The following MX2 variants were observed in gnomAD, a reference collection of about 807,000 sequenced individuals.
The protein encoded by MX2 is MX dynamin like GTPase 2.
MX2 carries 51 observed loss-of-function variants against 74.0 expected under a neutral mutation model. The ratio of observed to expected loss-of-function variants is 0.69; its 90% CI spans 0.55 to 0.87. MX2 has a LOEUF of 0.87. MX2 is among the 40% of genes least tolerant of loss of function. The pLI is 0.00. For missense variants in MX2, 832 were observed against 908.7 expected (o/e 0.92, Z 1.09); for synonymous variants, 369 against 339.3 (o/e 1.09, Z -0.96).
chr21:41,379,887 C>T lies in MX2; in HGVS notation c.443-130C>T, dbSNP rs1052744234. ...TCAGTCCAGACCCCCTCACCTACTACCAGGCCCCAGGGAGAGCCAGAAAGT... is the reference window on the plus strand; with the variant it reads ...TCAGTCCAGACCCCCTCACCTACTATCAGGCCCCAGGGAGAGCCAGAAAGT... On this transcript the variant is annotated intron_variant, in intron 3 of 13. Transcript: ENST00000330714. 9.3e-6 allele frequency: 11 copies of T among 1,186,892 alleles called. No homozygotes were observed. The African/African-American group carries it at 1.2e-4, about 13-fold the overall frequency. The allele number at this position is 1,186,892 out of a possible 1,614,324, so 73.5% of individuals were successfully genotyped here.
intron 1 of MX2, among the ~76,000 whole-genome samples, chr21:41,375,998 C>T (rs2089396651): frequency 6.6e-6 from 1 of 152,208 alleles, no homozygotes; most frequent in Non-Finnish European, 1.5e-5. Flanking sequence ...TGTTGTGAAG[C>T]TTAAATGTAT....
rs557440856 is a variant in MX2 at position 41,370,026 on chromosome 21, G to A, written c.-71-6810G>A. 3.9e-5 allele frequency among the ~76,000 whole-genome samples: 6 copies of A among 152,292 alleles called. No homozygotes were observed. In the East Asian group the frequency reaches 7.7e-4, roughly 20 times the overall value. ...TGGAGATTGTTTTGCTAGACTCGAC[G>A]AGGGTAGCAAAGCAACAGGAAGTGT... On this transcript the variant is annotated intron_variant, in intron 1 of 13. Coordinates refer to ENST00000330714, the MANE Select transcript of MX2 (RefSeq NM_002463.2).
intron 5 of MX2, among the ~76,000 whole-genome samples, chr21:41,385,596 G>C (rs965994630): frequency 6.6e-6 from 1 of 152,096 alleles, no homozygotes; most frequent in African/African-American, 2.4e-5. Context: ...TACAAATTTC[G>C]CTGTCTCTGG....
chr21:41,378,844 C>T lies in MX2; in HGVS notation c.442+863C>T, dbSNP rs116918997. Among the ~76,000 whole-genome samples, 102 of 152,198 alleles carry T rather than the reference C, an allele frequency of 6.7e-4. No individual in the cohort carries two copies. The East Asian group carries it at 0.014, about 21-fold the overall frequency. On this transcript the variant is annotated intron_variant, in intron 3 of 13. Transcript: ENST00000330714. ...CATGCAGGGGCCCTGGCAGGTGCAG[C>T]GGCAGCAGAGAGCGCCCAGCTCCTT...
intron 5 of MX2, among the ~76,000 whole-genome samples, chr21:41,386,580 G>A (rs189606518): frequency 4.6e-5 from 7 of 152,300 alleles, no homozygotes; most frequent in Admixed American, 4.6e-4. Context: ...TTGGCCCCCT[G>A]TAGTCTGTCC....
In MX2 at chr21:41,398,948, A is replaced by G. The variant is rs1185430715; in HGVS notation, c.1201A>G (p.Thr401Ala). 1 of 1,614,092 alleles carries G rather than the reference A, an allele frequency of 6.2e-7. No individual in the cohort carries two copies. The highest frequency in any genetic ancestry group is 1.7e-5 in the Admixed American group (1 of 60,026). Residue 401 changes from threonine (T) to alanine (A), a missense_variant, in exon 9 of 14, where the codon ACC (threonine) becomes GCC (alanine). Physicochemically the swap from Thr to Ala is moderately conservative, Grantham distance 58 (BLOSUM62 0). Transcript: ENST00000330714. ...AATAAGGGAGAGCCACCAGAAGGCGACCGAGGAGCTGCGGCGTTGCGGGGC... is the reference window on the plus strand; with the variant it reads ...AATAAGGGAGAGCCACCAGAAGGCGGCCGAGGAGCTGCGGCGTTGCGGGGC... ...GQIRESHQKA[T>A]EELRRCGADI...
intron 5 of MX2, among the ~76,000 whole-genome samples, chr21:41,386,181 C>T (rs1336173280): frequency 1.7e-5 from 2 of 120,546 alleles, no homozygotes; most frequent in Non-Finnish European, 3.2e-5. Context: ...GATCACGCCA[C>T]TGCACTACAG....
At chr21:41,404,058 T>G (rs2089853079) in intron 12 of MX2, 1 of 186,126 alleles carries the variant, frequency 5.4e-6, no homozygotes, top group Non-Finnish European at 1.1e-5. Context: ...GTCACCAAGA[T>G]GTCCATTGTC....
intron 5 of MX2, among the ~76,000 whole-genome samples, chr21:41,387,665 C>T (rs11910387): frequency 0.31 from 46,552 of 152,074 alleles, 12,296 homozygotes; most frequent in African/African-American, 0.71. Flanking sequence ...TGAACTACAG[C>T]CCAGTCTCAT....
At chr21:41,379,934 A>T in intron 3 of MX2, 83 bp from the exon 4 acceptor site, 1 of 1,557,186 alleles carries the variant, frequency 6.4e-7, no homozygotes, top group Admixed American at 1.8e-5. Context: ...CTTTGGGGAC[A>T]GCAGGGCAGG....
intron 5 of MX2, among the ~76,000 whole-genome samples, chr21:41,387,724 GCT>G (rs1470630768): frequency 6.6e-6 from 1 of 152,120 alleles, no homozygotes; most frequent in Non-Finnish European, 1.5e-5. Flanking sequence ...TTCAAGCCCA[GCT>G]CTCTCCCCTG....
At chr21:41,362,829 G>T (rs1324283617) in intron 1 of MX2, among the ~76,000 whole-genome samples, 2 of 140,820 alleles carry the variant, frequency 1.4e-5, no homozygotes, top group Non-Finnish European at 3.0e-5. Flanking sequence ...CGTGATCATG[G>T]CTCACTGCAG....
chr21:41,363,229 C>T lies in MX2; in HGVS notation c.-72+1174C>T, dbSNP rs543819831. ...CCCCTGAAGCACTTTTGACTCCCTT[C>T]GGATGTACAATTTTTTTTTCTTTTT... On this transcript the variant is annotated intron_variant, in intron 1 of 13. Coordinates refer to ENST00000330714, the MANE Select transcript of MX2 (RefSeq NM_002463.2). This position sits in a 1 kb window ranked among gnomAD's most constrained non-coding sequence, Gnocchi z 4.2. The T allele has an allele frequency of 3.3e-5, 5 of 152,072 alleles. 1 individual carries two copies. Among genetic ancestry groups the T allele is most frequent in the African/African-American group, 4.8e-5 (2 of 41,396 alleles). The allele number at this position is 152,072 out of a possible 1,614,324, so 9.4% of individuals were successfully genotyped here.
In MX2 at chr21:41,368,372, G is replaced by C. The variant is rs760763777; in HGVS notation, c.-72+6317G>C. Among the ~76,000 whole-genome samples, 1 of 152,076 alleles carries C rather than the reference G, an allele frequency of 6.6e-6. No individual in the cohort carries two copies. The highest frequency in any genetic ancestry group is 1.5e-5 in the Non-Finnish European group (1 of 68,016). ...GCAGGGGAGACAGATGGTTCACCAG[G>C]CACACACCAGACAACCCGAAACCTA... On this transcript the variant is annotated intron_variant, in intron 1 of 13. Transcript: ENST00000330714. The surrounding 1 kb of genome is among the most constrained non-coding windows in gnomAD (Gnocchi z 4.6).
intron 5 of MX2, among the ~76,000 whole-genome samples, chr21:41,387,764 G>A (rs547181501): frequency 2.6e-5 from 4 of 152,212 alleles, no homozygotes; most frequent in South Asian, 2.1e-4. Context: ...TCCAGCTGCC[G>A]ATTCACCAGT....
intron 10 of MX2, chr21:41,401,665 C>A: frequency 4.7e-6 from 1 of 212,988 alleles, no homozygotes; most frequent in Non-Finnish European, 9.1e-6. Flanking sequence ...TGTGAGCCAC[C>A]ACACCTAGTT....
At position 41,399,251 on chromosome 21, in the gene MX2, T is replaced by TAAG. The variant is rs773503672; in HGVS notation, c.1329_1331dup (p.Arg444dup). Reference sequence around the variant, plus strand: ...AAGTTAGTAGAAGGAGAAGAAGTTGTAAGGGAGAATGAGACCCGTTTATAC... The same window carrying TAAG: ...AAGTTAGTAGAAGGAGAAGAAGTTGTAAGAAGGGAGAATGAGACCCGTTTATAC... On this transcript the variant is annotated inframe_insertion, in exon 10 of 14. Coordinates refer to ENST00000330714, the MANE Select transcript of MX2 (RefSeq NM_002463.2). 8.1e-6 allele frequency: 13 copies of TAAG among 1,613,934 alleles called. 2 individuals are homozygous for TAAG. In the South Asian group the frequency reaches 1.4e-4, roughly 18 times the overall value.
chr21:41,381,615 G>A (rs1187971633), intron 4 of MX2, among the ~76,000 whole-genome samples: 1 of 149,164 alleles, frequency 6.7e-6, no homozygotes, highest in African/African-American at 2.5e-5. Flanking sequence ...AACCCGAAAG[G>A]CAGAGCTTTC....
rs2089820735 is a variant in MX2 at position 41,401,994 on chromosome 21, TTGAAAAATA to T, written c.1446_1454del (p.Tyr483_Lys485del). On this transcript the variant is annotated inframe_deletion, in exon 11 of 14. Transcript: ENST00000330714. The stretch of plus-strand genomic sequence containing the variant: ...GTTAAAAATATTATCCACGAAGAAG[TTGAAAAATA>T]TGAAAAGCAGTATCGAGGCAAGGAG... The T allele has an allele frequency of 2.5e-6, 4 of 1,613,324 alleles. No individual in the cohort carries two copies. Among genetic ancestry groups the T allele is most frequent in the Non-Finnish European group, 3.4e-6 (4 of 1,179,858 alleles).
Sources: allele counts gnomAD v4.1 joint callset (sites outside exome capture counted in the v4.1 genomes callset), GRCh38; gene constraint gnomAD v4.1.1; non-coding constraint Gnocchi (gnomAD v3.1); transcripts MANE v1.5; gene names NCBI Gene and HGNC (gene_info 2026-07-23, HGNC 2026-07-21).